The following CRTAC1 variants were observed in gnomAD, a reference collection of about 807,000 sequenced individuals.
CRTAC1 encodes cartilage acidic protein 1, also known as acidic secreted protein in cartilage.
In CRTAC1, 37 loss-of-function variants were observed where a neutral mutation model predicts 67.8. That is an observed-to-expected ratio of 0.55 (90% CI 0.42 to 0.72). The LOEUF is 0.72. CRTAC1 is among the 30% of genes least tolerant of loss of function. The probability of loss-of-function intolerance (pLI) is 0.00; values close to 1 mark genes in which losing one functional copy is unlikely to be tolerated. For missense variants in CRTAC1, 780 were observed against 931.6 expected (o/e 0.84, Z 2.12); for synonymous variants, 348 against 371.0 (o/e 0.94, Z 0.71).
chr10:97,966,969 G>A lies in CRTAC1; in HGVS notation c.225-30603C>T, dbSNP rs190989572. Among the ~76,000 whole-genome samples the A allele has an allele frequency of 5.6e-5, 8 of 141,736 alleles. 1 individual carries two copies. In the East Asian group the frequency reaches 1.7e-3, roughly 30 times the overall value. The allele number at this position is 141,736 out of a possible 152,430, so 93.0% of individuals were successfully genotyped here. A position where few individuals can be genotyped will look rare whatever the true frequency, so the allele number is the denominator to read the frequency against. Reference sequence around the variant, plus strand: ...TGATCACCTGGCTGAAGCTGTGTTTGCTGTGTTTCTCCATTGTAAAGTCAC... The same window carrying A: ...TGATCACCTGGCTGAAGCTGTGTTTACTGTGTTTCTCCATTGTAAAGTCAC... On this transcript the variant is annotated intron_variant, in intron 2 of 14. Transcript: ENST00000370597.
chr10:97,980,136 A>G (rs982467984), intron 2 of CRTAC1, among the ~76,000 whole-genome samples: 8 of 152,230 alleles, frequency 5.3e-5, no homozygotes, highest in African/African-American at 1.9e-4. Flanking sequence ...AAATGGAGAA[A>G]ACAGTAGTAT....
At chr10:97,938,706 A>G (rs943549557) in intron 2 of CRTAC1, among the ~76,000 whole-genome samples, 1 of 152,284 alleles carries the variant, frequency 6.6e-6, no homozygotes, top group Non-Finnish European at 1.5e-5. Context: ...TTACATTTCA[A>G]TAGCACTTTA....
chr10:97,992,140 G>T (rs891145686), intron 2 of CRTAC1, among the ~76,000 whole-genome samples: 2 of 152,136 alleles, frequency 1.3e-5, no homozygotes, highest in African/African-American at 4.8e-5. Context: ...GGGAGTTGGG[G>T]GAGTGCTGCC....
chr10:97,972,658 A>T (rs1372811139), intron 2 of CRTAC1, among the ~76,000 whole-genome samples: 2 of 152,240 alleles, frequency 1.3e-5, no homozygotes, highest in Admixed American at 6.5e-5. Flanking sequence ...GCAAAAAATA[A>T]ATCAGTGTAG....
intron 2 of CRTAC1, among the ~76,000 whole-genome samples, chr10:98,009,631 T>C (rs577525): frequency 0.49 from 74,872 of 151,960 alleles, 19,021 homozygotes; most frequent in Non-Finnish European, 0.55. Flanking sequence ...ACCAGGTCTT[T>C]CAATTCCAAG....
intron 14 of CRTAC1, chr10:97,867,860 G>GAAC (rs2050046897): frequency 1.3e-5 from 2 of 152,322 alleles, no homozygotes; most frequent in Non-Finnish European, 2.9e-5. Flanking sequence ...GGAGCAGGAT[G>GAAC]AACTCTGTCT....
chr10:97,942,706 G>A (rs1007194986), intron 2 of CRTAC1, among the ~76,000 whole-genome samples: 1 of 151,558 alleles, frequency 6.6e-6, no homozygotes, highest in African/African-American at 2.4e-5. Flanking sequence ...CAGAAAATAT[G>A]CTATCTGTTT....
intron 7 of CRTAC1, among the ~76,000 whole-genome samples, chr10:97,903,043 T>C (rs1028476155): frequency 2.6e-5 from 4 of 151,702 alleles, no homozygotes; most frequent in South Asian, 2.1e-4. Flanking sequence ...TCCGAGATAA[T>C]GTATGTTAAG....
intron 5 of CRTAC1, among the ~76,000 whole-genome samples, chr10:97,914,388 T>A (rs2050729854): frequency 6.6e-6 from 1 of 152,212 alleles, no homozygotes. Context: ...TTTGCTATAC[T>A]AGGTGGGCAC....
Position 97,933,028 on chromosome 10 carries a change from G to A in CRTAC1, c.421+3142C>T, listed in dbSNP as rs560320585. Among the ~76,000 whole-genome samples, 20 of 152,354 alleles carry A rather than the reference G, an allele frequency of 1.3e-4. No homozygotes were observed. In the South Asian group the frequency reaches 2.7e-3, roughly 21 times the overall value. ...GAGTGGGACCATGCTTCCACAGGTCGCTCTAACACACTGGCACATGCCATG... is the reference window on the plus strand; with the variant it reads ...GAGTGGGACCATGCTTCCACAGGTCACTCTAACACACTGGCACATGCCATG... On this transcript the variant is annotated intron_variant, in intron 3 of 14. Coordinates refer to ENST00000370597, the MANE Select transcript of CRTAC1 (RefSeq NM_018058.7).
At chr10:97,879,309 C>T (rs2050181586) in intron 14 of CRTAC1, among the ~76,000 whole-genome samples, 1 of 152,138 alleles carries the variant, frequency 6.6e-6, no homozygotes, top group South Asian at 2.1e-4. Context: ...GCACATGGTA[C>T]ATTATCGGAT....
intron 2 of CRTAC1, among the ~76,000 whole-genome samples, chr10:97,982,618 C>T (rs530862435): frequency 1.3e-5 from 2 of 152,336 alleles, no homozygotes; most frequent in African/African-American, 4.8e-5. Context: ...TCATCAATCT[C>T]TAGCGGTCCC....
intron 11 of CRTAC1, among the ~76,000 whole-genome samples, chr10:97,888,449 A>G (rs2050317674): frequency 6.6e-6 from 1 of 152,150 alleles, no homozygotes; most frequent in African/African-American, 2.4e-5. Flanking sequence ...TCAGAGCGGG[A>G]AAGAGTGTCA....
In CRTAC1 at chr10:97,971,824, G is replaced by C. The variant is rs1225585122; in HGVS notation, c.225-35458C>G. Among the ~76,000 whole-genome samples the C allele has an allele frequency of 2.0e-5, 3 of 152,140 alleles. No homozygotes were observed. The East Asian group carries it at 5.8e-4, about 29-fold the overall frequency. ...TCTTATTACACCATATCAATGTTTG[G>C]CTTGAGGTGTACATTTATCTGTTTT... is the stretch of plus-strand genomic sequence containing the variant. On this transcript the variant is annotated intron_variant, in intron 2 of 14. Transcript: ENST00000370597.
chr10:97,913,109 G>A (rs1184309297), intron 5 of CRTAC1, among the ~76,000 whole-genome samples: 1 of 147,738 alleles, frequency 6.8e-6, no homozygotes, highest in African/African-American at 2.5e-5. Flanking sequence ...GTGCAGGAAT[G>A]GGCACAGAGA....
chr10:98,017,709 T>C (rs1843026963), intron 1 of CRTAC1, among the ~76,000 whole-genome samples: 1 of 151,494 alleles, frequency 6.6e-6, no homozygotes, highest in South Asian at 2.1e-4. Context: ...TATTTTTTTT[T>C]TTTTTTTGGT....
intron 1 of CRTAC1, among the ~76,000 whole-genome samples, chr10:98,027,145 C>T (rs568705526): frequency 2.7e-5 from 4 of 148,398 alleles, no homozygotes; most frequent in South Asian, 4.2e-4. Context: ...CCAGCCTGGG[C>T]GACAGAGCGA....
At chr10:97,880,155 AG>A in intron 14 of CRTAC1, 93 bp downstream of exon 14, 1 of 1,404,036 alleles carries the variant, frequency 7.1e-7, no homozygotes, top group East Asian at 2.3e-5. Flanking sequence ...AGGAGAAGGA[AG>A]GGGCTGGGGA....
intron 2 of CRTAC1, among the ~76,000 whole-genome samples, chr10:97,945,862 T>C (rs1373877976): frequency 6.6e-6 from 1 of 152,208 alleles, no homozygotes; most frequent in Non-Finnish European, 1.5e-5. Context: ...TCTGCAGTGA[T>C]GGTGTCTGTG....
Sources: allele counts gnomAD v4.1 joint callset (sites outside exome capture counted in the v4.1 genomes callset), GRCh38; gene constraint gnomAD v4.1.1; transcripts MANE v1.5; gene names NCBI Gene and HGNC (gene_info 2026-07-23, HGNC 2026-07-21).